The following PLA2G4F variants were observed in gnomAD, a reference collection of about 807,000 sequenced individuals.
PLA2G4F encodes the protein cytosolic phospholipase A2 zeta.
A neutral mutation model predicts 103.1 loss-of-function variants in PLA2G4F; 105 were observed. That is an observed-to-expected ratio of 1.02 (90% CI 0.87 to 1.20). The LOEUF (loss-of-function observed/expected upper bound fraction) is 1.20. Among genes scored for constraint, PLA2G4F ranks in the 50% most tolerant of loss-of-function variants. PLA2G4F has a pLI of 0.00. For missense variants in PLA2G4F, 1,155 were observed against 1,075.9 expected (o/e 1.07, Z -1.03); for synonymous variants, 468 against 441.1 (o/e 1.06, Z -0.76).
intron 7 of PLA2G4F, 69 bp from the exon 8 acceptor site, chr15:42,150,846 G>T: frequency 3.2e-6 from 5 of 1,544,926 alleles, no homozygotes; most frequent in Non-Finnish European, 4.4e-6. Flanking sequence ...GCTTATGCTG[G>T]CAGCGCCCCA....
intron 17 of PLA2G4F, 58 bp from the exon 18 acceptor site, chr15:42,144,202 G>T (rs974624432): frequency 1.3e-6 from 2 of 1,529,118 alleles, no homozygotes; most frequent in Non-Finnish European, 8.9e-7. Context: ...GCTAGCAACC[G>T]CTTCTGTATT....
intron 8 of PLA2G4F, 61 bp from the exon 9 acceptor site, chr15:42,150,547 G>A: frequency 3.8e-6 from 6 of 1,597,060 alleles, no homozygotes; most frequent in Non-Finnish European, 5.1e-6. Flanking sequence ...CCCCCAACGT[G>A]GCCCTGGAAC....
chr15:42,141,737 C>T lies in PLA2G4F; in HGVS notation c.*247G>A. Reference sequence around the variant, plus strand: ...GTGAAATGAGTGCTGTTCTCTTCTGCCCTACATCCCCAAGAGTCCCTGGAG... The same window carrying T: ...GTGAAATGAGTGCTGTTCTCTTCTGTCCTACATCCCCAAGAGTCCCTGGAG... On this transcript the variant is annotated 3_prime_UTR_variant, in exon 20 of 20. Coordinates refer to ENST00000397272, the MANE Select transcript of PLA2G4F (RefSeq NM_213600.4). The T allele has an allele frequency of 1.6e-6, 1 of 617,954 alleles. No individual in the cohort carries two copies. Among genetic ancestry groups the T allele is most frequent in the Non-Finnish European group, 3.0e-6 (1 of 335,088 alleles). The allele number at this position is 617,954 out of a possible 1,614,324, so 38.3% of individuals were successfully genotyped here.
Position 42,154,134 on chromosome 15 carries a change from C to A in PLA2G4F, c.408G>T (p.Lys136Asn). The A allele has an allele frequency of 6.2e-7, 1 of 1,614,228 alleles. No individual in the cohort carries two copies. Among genetic ancestry groups the A allele is most frequent in the African/African-American group, 1.3e-5 (1 of 75,066 alleles). ...SLLLFDLRSL[K>N]CGQPHKHTFP... Reference sequence around the variant, plus strand: ...AGGTGTGTTTGTGAGGTTGGCCACACTTGAGGCTTCTCAGGTCAAACAGGA... The same window carrying A: ...AGGTGTGTTTGTGAGGTTGGCCACAATTGAGGCTTCTCAGGTCAAACAGGA... Residue 136 changes from lysine (K) to asparagine (N), a missense_variant, in exon 4 of 20, where the codon AAG (lysine) becomes AAT (asparagine). By Grantham distance (94) the Lys-to-Asn change is moderately conservative (BLOSUM62 0). Transcript: ENST00000397272.
intron 11 of PLA2G4F, chr15:42,148,905 C>T (rs943086460): frequency 4.2e-5 from 41 of 985,322 alleles, no homozygotes; most frequent in Non-Finnish European, 4.9e-5. Context: ...AGAGCAGACA[C>T]CTAGCACAGA....
chr15:42,150,788 A>G lies in PLA2G4F; in HGVS notation c.602-11T>C, dbSNP rs766356578. 2 of 1,603,482 alleles carry G rather than the reference A, an allele frequency of 1.2e-6. No individual in the cohort carries two copies. The highest frequency in any genetic ancestry group is 4.5e-5 in the East Asian group (2 of 44,696). ...GGAGCTGCCTAGAGCCTGAGAGCAG[A>G]GGGCCCAGGTGGGTGCGCAGGTGAG... is the stretch of plus-strand genomic sequence containing the variant. On this transcript the variant is annotated splice_polypyrimidine_tract_variant and intron_variant, in intron 7 of 19. Transcript: ENST00000397272.
At chr15:42,146,065 G>C in intron 14 of PLA2G4F, 62 bp downstream of exon 14, 1 of 1,589,910 alleles carries the variant, frequency 6.3e-7, no homozygotes, top group South Asian at 1.1e-5. Context: ...TGATCACCCT[G>C]GCCTCTCACC....
chr15:42,144,298 C>T, intron 17 of PLA2G4F, 152 bp downstream of exon 17: 1 of 1,372,196 alleles, frequency 7.3e-7, no homozygotes, highest in Non-Finnish European at 9.9e-7. Context: ...TGCCTTCCAG[C>T]TTCCAGCAGT....
chr15:42,148,960 G>T lies in PLA2G4F; in HGVS notation c.1059+753C>A, dbSNP rs532924903. Reference sequence around the variant, plus strand: ...CAATGAACGATCTAGCCTTGTCAGCGCTGGGCCACAGTGATAGCGTCTCCT... The same window carrying T: ...CAATGAACGATCTAGCCTTGTCAGCTCTGGGCCACAGTGATAGCGTCTCCT... On this transcript the variant is annotated intron_variant, in intron 11 of 19. Transcript: ENST00000397272. 196 of 985,356 alleles carry T rather than the reference G, an allele frequency of 2.0e-4. No individual in the cohort carries two copies. In the African/African-American group the frequency reaches 3.2e-3, roughly 16 times the overall value. The allele number at this position is 985,356 out of a possible 1,614,324, so 61.0% of individuals were successfully genotyped here. A position where few individuals can be genotyped will look rare whatever the true frequency, so the allele number is the denominator to read the frequency against.
At chr15:42,150,834 C>A (rs536418850) in intron 7 of PLA2G4F, 57 bp from the exon 8 acceptor site, 13 of 1,562,740 alleles carry the variant, frequency 8.3e-6, no homozygotes, top group South Asian at 3.5e-5. Context: ...TGTGTCTCTG[C>A]GGCTTATGCT....
chr15:42,144,368 C>G, intron 17 of PLA2G4F, 82 bp downstream of exon 17: 2 of 1,552,362 alleles, frequency 1.3e-6, no homozygotes, highest in Non-Finnish European at 1.8e-6. Context: ...AACCCCCAGC[C>G]CAAAGCCAGC....
chr15:42,151,707 G>T, intron 7 of PLA2G4F: 2 of 942,410 alleles, frequency 2.1e-6, no homozygotes, highest in Non-Finnish European at 1.3e-6. Flanking sequence ...TCATGCCAAG[G>T]CCTATGGACT....
At chr15:42,153,263 A>C in intron 6 of PLA2G4F, 37 bp downstream of exon 6, 1 of 1,600,448 alleles carries the variant, frequency 6.2e-7, no homozygotes, top group Non-Finnish European at 8.5e-7. Flanking sequence ...ACTGCCCCCC[A>C]GCCCAGAACA....
rs1275677626 is a variant in PLA2G4F at position 42,139,381 on chromosome 15, C to T, written c.*2603G>A. On this transcript the variant is annotated 3_prime_UTR_variant, in exon 20 of 20. Coordinates refer to ENST00000397272, the MANE Select transcript of PLA2G4F (RefSeq NM_213600.4). Reference sequence around the variant, plus strand: ...TTCCAACCTTTCAGAAGGCCTGCTCCTTTCCCTATAGCTTCTCCCACCACT... The same window carrying T: ...TTCCAACCTTTCAGAAGGCCTGCTCTTTTCCCTATAGCTTCTCCCACCACT... 6.6e-6 allele frequency: 1 copy of T among 152,414 alleles called. No homozygotes were observed. The highest frequency in any genetic ancestry group is 1.5e-5 in the Non-Finnish European group (1 of 68,110). 9.4% of individuals were successfully genotyped at this position (152,414 alleles called of 1,614,324 possible). A position where few individuals can be genotyped will look rare whatever the true frequency, so the allele number is the denominator to read the frequency against.
Position 42,155,538 on chromosome 15 carries a change from T to C in PLA2G4F, c.163A>G (p.Asn55Asp). ...TCACGCAGGTCTGTGCCCCGGATGT[T>C]TGTGGCCCTCAGCACCTTCACCTGG... ...DLQVKVLRAT[N>D]IRGTDLLSKA... Residue 55 changes from asparagine (N) to aspartate (D), a missense_variant, in exon 2 of 20, where the codon AAC becomes GAC. Coordinates refer to ENST00000397272, the MANE Select transcript of PLA2G4F (RefSeq NM_213600.4). 1 of 1,614,092 alleles carries C rather than the reference T, an allele frequency of 6.2e-7. No individual in the cohort carries two copies. The highest frequency in any genetic ancestry group is 8.5e-7 in the Non-Finnish European group (1 of 1,179,962).
rs2048833525 is a variant in PLA2G4F at position 42,142,292 on chromosome 15, C to T, written c.2330-88G>A. The T allele has an allele frequency of 1.0e-5, 14 of 1,335,058 alleles. 1 individual carries two copies. Among genetic ancestry groups the T allele is most frequent in the Middle Eastern group, 2.5e-4 (1 of 4,038 alleles). The allele number at this position is 1,335,058 out of a possible 1,614,324, so 82.7% of individuals were successfully genotyped here. ...GCCCAGAAGTCTTCCTTGTGCAGGA[C>T]ACCTGGCTGGCTCCCTGCGGGCCCT... On this transcript the variant is annotated intron_variant, in intron 19 of 19. Transcript: ENST00000397272.
At chr15:42,151,649 C>G in intron 7 of PLA2G4F, 2 of 985,290 alleles carry the variant, frequency 2.0e-6, no homozygotes, top group Non-Finnish European at 2.4e-6. Context: ...CTCGACATGA[C>G]CAAGTGTGGG....
intron 18 of PLA2G4F, 44 bp from the exon 19 acceptor site, chr15:42,142,758 G>A: frequency 6.3e-7 from 1 of 1,599,410 alleles, no homozygotes; most frequent in Non-Finnish European, 8.6e-7. Flanking sequence ...CTCCACCCTG[G>A]CCACTCCCGC....
Position 42,142,595 on chromosome 15 carries a change from G to T in PLA2G4F, c.2262C>A (p.Asp754Glu). 1 of 1,614,104 alleles carries T rather than the reference G, an allele frequency of 6.2e-7. No individual in the cohort carries two copies. The highest frequency in any genetic ancestry group is 8.5e-7 in the Non-Finnish European group (1 of 1,180,012). Reference sequence around the variant, plus strand: ...AGTGCAGCACAATGGGGGAGCGGGGGTCCTCAGCCTTGGCAAACAGATAGC... The same window carrying T: ...AGTGCAGCACAATGGGGGAGCGGGGTTCCTCAGCCTTGGCAAACAGATAGC... The part of the protein sequence containing the change: ...RECYLFAKAE[D>E]PRSPIVLHFP... The change falls in exon 19 of 20, where the codon GAC (aspartate) becomes GAA (glutamate). Residue 754 changes from aspartate (D) to glutamate (E), a missense_variant. Coordinates refer to ENST00000397272, the MANE Select transcript of PLA2G4F (RefSeq NM_213600.4).
Sources: allele counts gnomAD v4.1 joint callset, GRCh38; gene constraint gnomAD v4.1.1; transcripts MANE v1.5; gene names NCBI Gene and HGNC (gene_info 2026-07-23, HGNC 2026-07-21).